Variants in MYL4 observed in about 807,000 individuals in gnomAD.
MYL4 encodes the protein myosin light chain 4, also known as atrial myosin light chain 1.
In MYL4, 16 loss-of-function variants were observed where a neutral mutation model predicts 21.6. The observed-to-expected ratio is 0.74, with a 90% CI of 0.50 to 1.12. The LOEUF is 1.12. MYL4 is among the 50% of genes most tolerant of loss of function. The probability of loss-of-function intolerance (pLI) is 0.00; values close to 1 mark genes in which losing one functional copy is unlikely to be tolerated. For synonymous variants in MYL4, 82 were observed against 95.7 expected, an observed-to-expected ratio of 0.86 and a Z score of 0.83; for missense variants, 249 against 252.9, an observed-to-expected ratio of 0.98 and a Z score of 0.11.
intron 3 of MYL4, among the ~76,000 whole-genome samples, chr17:47,221,388 G>T (rs2149048440): frequency 6.6e-6 from 1 of 152,214 alleles, no homozygotes; most frequent in Middle Eastern, 3.4e-3. Context: ...CCTCCGCTTG[G>T]CTGGCCACCT....
intron 2 of MYL4, among the ~76,000 whole-genome samples, chr17:47,217,285 C>T (rs1356560167): frequency 6.6e-6 from 1 of 151,870 alleles, no homozygotes; most frequent in African/African-American, 2.4e-5. Flanking sequence ...GGTGAAACCC[C>T]ACCTCTACCA....
the MYL4 span, chr17:47,189,475 G>C: frequency 2.1e-6 from 1 of 483,052 alleles, no homozygotes; most frequent in South Asian, 2.3e-5. Context: ...CCAAAGCGTA[G>C]GTTTCTCTTC....
the MYL4 span, among the ~76,000 whole-genome samples, chr17:47,191,709 T>A: frequency 6.6e-6 from 1 of 152,154 alleles, no homozygotes; most frequent in Non-Finnish European, 1.5e-5. Flanking sequence ...GATCTCATGA[T>A]CCACCCATCT....
At chr17:47,221,568 T>C in intron 3 of MYL4, 114 bp from the exon 4 acceptor site, 1 of 1,234,122 alleles carries the variant, frequency 8.1e-7, no homozygotes, top group Non-Finnish European at 1.1e-6. Context: ...CAGAATTGGC[T>C]GCAGCCCAAG....
Position 47,209,414 on chromosome 17 carries a change from C to T in MYL4, c.-9C>T, listed in dbSNP as rs202127040. 165 of 1,614,226 alleles carry T rather than the reference C, an allele frequency of 1.0e-4. 2 individuals carry two copies. The African/African-American group carries it at 1.9e-3, about 19-fold the overall frequency. The stretch of plus-strand genomic sequence containing the variant: ...ATCACTCCTCTGCCAAAGATCCCAA[C>T]AAGACAACATGGCTCCCAAGAAGCC... On this transcript the variant is annotated 5_prime_UTR_variant, in exon 1 of 7. Transcript: ENST00000393450.
downstream of MYL4, among the ~76,000 whole-genome samples, chr17:47,226,172 T>TGG (rs968574472): frequency 9.9e-5 from 15 of 152,182 alleles, no homozygotes; most frequent in African/African-American, 3.4e-4. Flanking sequence ...AGCAAGCACA[T>TGG]AAGTATCCAG....
chr17:47,192,756 G>C, the MYL4 span, among the ~76,000 whole-genome samples: 2 of 152,178 alleles, frequency 1.3e-5, no homozygotes, highest in South Asian at 4.1e-4. Context: ...GTACTTTGAT[G>C]GGGTATTTTG....
chr17:47,204,489 A>T (rs540924524), upstream of MYL4, among the ~76,000 whole-genome samples: 1 of 152,148 alleles, frequency 6.6e-6, no homozygotes, highest in Non-Finnish European at 1.5e-5. Flanking sequence ...TACATGTGCC[A>T]CCTGTATTAA....
intron 2 of MYL4, among the ~76,000 whole-genome samples, chr17:47,219,655 C>T (rs1054959005): frequency 3.3e-5 from 5 of 152,230 alleles, no homozygotes; most frequent in South Asian, 4.1e-4. Context: ...TTTATAACAA[C>T]GAAGCAATAG....
intron 3 of MYL4, 37 bp downstream of exon 3, chr17:47,220,090 A>G (rs1411554405): frequency 1.5e-5 from 24 of 1,568,780 alleles, no homozygotes; most frequent in Non-Finnish European, 2.0e-5. Flanking sequence ...TCCCAGGGTC[A>G]GGCTTGCAGC....
chr17:47,216,526 AC>A (rs1029963240), intron 2 of MYL4, among the ~76,000 whole-genome samples: 5 of 152,170 alleles, frequency 3.3e-5, no homozygotes, highest in African/African-American at 9.6e-5. Context: ...GGATAATAAT[AC>A]CTATAGCATA....
chr17:47,222,339 A>G (rs779676774), intron 4 of MYL4, 41 bp from the exon 5 acceptor site: 3 of 1,588,352 alleles, frequency 1.9e-6, no homozygotes, highest in East Asian at 2.2e-5. Flanking sequence ...CTCCTTTGCC[A>G]TCTGTAATTA....
At chr17:47,225,252 T>C (rs906481909), downstream of MYL4, among the ~76,000 whole-genome samples, 4 of 152,196 alleles carry the variant, frequency 2.6e-5, no homozygotes, top group Admixed American at 6.5e-5. Flanking sequence ...CCAAGGTCTA[T>C]ATACATGCCC....
At chr17:47,218,990 C>A (rs2064835009) in intron 2 of MYL4, among the ~76,000 whole-genome samples, 1 of 152,176 alleles carries the variant, frequency 6.6e-6, no homozygotes, top group South Asian at 2.1e-4. Context: ...ATTCCCTTAC[C>A]ATATGCTGAA....
At chr17:47,218,603 T>C (rs1222718894) in intron 2 of MYL4, among the ~76,000 whole-genome samples, 2 of 152,084 alleles carry the variant, frequency 1.3e-5, no homozygotes, top group African/African-American at 2.4e-5. Context: ...CTGGCCAACA[T>C]GGTGAAACCC....
intron 1 of MYL4, 151 bp downstream of exon 1, chr17:47,209,708 G>C (rs762209787): frequency 1.7e-6 from 2 of 1,160,156 alleles, no homozygotes; most frequent in Admixed American, 1.8e-5. Context: ...GCAGTGGAGT[G>C]GGTGTTGGGG....
chr17:47,214,787 C>A (rs2064802121), intron 2 of MYL4, among the ~76,000 whole-genome samples: 1 of 152,120 alleles, frequency 6.6e-6, no homozygotes, highest in African/African-American at 2.4e-5. Context: ...TTATACAAAT[C>A]AAGCCGTGTG....
At chr17:47,205,116 C>A (rs1236222354), upstream of MYL4, among the ~76,000 whole-genome samples, 1 of 152,140 alleles carries the variant, frequency 6.6e-6, no homozygotes, top group Admixed American at 6.5e-5. Flanking sequence ...TGTCACTTCT[C>A]CTTTGTGCAT....
At chr17:47,198,058 A>G (rs542946150), upstream of MYL4, among the ~76,000 whole-genome samples, 6 of 152,314 alleles carry the variant, frequency 3.9e-5, no homozygotes, top group South Asian at 1.2e-3. Context: ...GAATTTGAAA[A>G]AGATTATGCT....
Sources: gnomAD v4.1 joint callset for allele counts (sites outside exome capture counted in the v4.1 genomes callset) on GRCh38, gnomAD v4.1.1 for gene constraint, MANE v1.5 for transcripts, NCBI Gene and HGNC (gene_info 2026-07-23, HGNC 2026-07-21) for gene names.